Variants in ZNF385B observed in about 807,000 individuals in gnomAD.
ZNF385B encodes zinc finger protein 533.
A neutral mutation model predicts 39.2 loss-of-function variants in ZNF385B; 23 were observed. The observed-to-expected ratio is 0.59, with a 90% confidence interval of 0.42 to 0.83. ZNF385B has a LOEUF of 0.83. ZNF385B is among the 40% of genes least tolerant of loss of function. The pLI, the probability that ZNF385B is intolerant of heterozygous loss-of-function variation, is 0.00. For synonymous variants in ZNF385B, 205 were observed against 222.6 expected, an observed-to-expected ratio of 0.92 and a Z score of 0.70; for missense variants, 552 against 598.9, an observed-to-expected ratio of 0.92 and a Z score of 0.82.
chr2:179,801,143 C>A (rs1706005954), intron 1 of ZNF385B, among the ~76,000 whole-genome samples: 1 of 151,978 alleles, frequency 6.6e-6, no homozygotes. Context: ...CTCAAAATAT[C>A]CTCAGGAGGT....
chr2:179,789,465 T>C (rs773341544), intron 1 of ZNF385B, among the ~76,000 whole-genome samples: 2 of 152,204 alleles, frequency 1.3e-5, no homozygotes, highest in Non-Finnish European at 2.9e-5. Flanking sequence ...TTTCAATATA[T>C]AGGCAGCTGG....
intron 3 of ZNF385B, among the ~76,000 whole-genome samples, chr2:179,696,326 C>CTTTTTTTTTTGTTTTTTTTTTTTTTTTTT (rs1698747700): frequency 2.5e-5 from 1 of 40,354 alleles, no homozygotes; most frequent in African/African-American, 1.0e-4. Flanking sequence ...CAAACTGGGA[C>CTTTTTTTTTTGTTTTTTTTTTTTTTTTTT]TTTTTTTTTT....
chr2:179,737,363 A>G (rs537079254), intron 3 of ZNF385B, among the ~76,000 whole-genome samples: 3 of 152,344 alleles, frequency 2.0e-5, no homozygotes, highest in South Asian at 2.1e-4. Context: ...GTTAAAAGCA[A>G]TAAAGTTCCT....
At chr2:179,582,152 T>C (rs949008046) in intron 3 of ZNF385B, among the ~76,000 whole-genome samples, 1 of 152,174 alleles carries the variant, frequency 6.6e-6, no homozygotes, top group African/African-American at 2.4e-5. Context: ...ATCAAGTACT[T>C]TTCTCATTAG....
At chr2:179,474,766 C>A (rs1349080073) in intron 6 of ZNF385B, among the ~76,000 whole-genome samples, 1 of 151,974 alleles carries the variant, frequency 6.6e-6, no homozygotes, top group Non-Finnish European at 1.5e-5. Flanking sequence ...TCGCTGTCAT[C>A]TTTTGCAAAA....
At chr2:179,463,832 T>G (rs1200528710) in intron 6 of ZNF385B, among the ~76,000 whole-genome samples, 2 of 152,220 alleles carry the variant, frequency 1.3e-5, no homozygotes, top group Non-Finnish European at 2.9e-5. Flanking sequence ...CGTGTCTTTA[T>G]AGTAGAATGA....
intron 3 of ZNF385B, among the ~76,000 whole-genome samples, chr2:179,675,537 G>A (rs138706992): frequency 3.9e-5 from 6 of 152,226 alleles, no homozygotes; most frequent in African/African-American, 7.2e-5. Context: ...TTCCTACATC[G>A]TCAAATAAGA....
At chr2:179,717,743 C>T (rs1332746723) in intron 3 of ZNF385B, among the ~76,000 whole-genome samples, 1 of 152,116 alleles carries the variant, frequency 6.6e-6, no homozygotes, top group Non-Finnish European at 1.5e-5. Context: ...AATAAACAAA[C>T]AAAAACCTTC....
In ZNF385B at chr2:179,566,914, CTTTTT is replaced by C. The variant is rs372093398; in HGVS notation, c.299-21950_299-21946del. Among the ~76,000 whole-genome samples the C allele has an allele frequency of 7.6e-5, 10 of 131,626 alleles. No individual in the cohort carries two copies. The Admixed American group carries it at 7.6e-4, about 10-fold the overall frequency. The allele number at this position is 131,626 out of a possible 152,430, so 86.4% of individuals were successfully genotyped here. A position where few individuals can be genotyped will look rare whatever the true frequency, so the allele number is the denominator to read the frequency against. On this transcript the variant is annotated intron_variant, in intron 3 of 9. Coordinates refer to ENST00000410066, the MANE Select transcript of ZNF385B (RefSeq NM_152520.6). ...CTATATAATCTTTTTCTTTTCTTTT[CTTTTT>C]TTTTTTTTTTTTTGAGACGGGGTCT... is the stretch of plus-strand genomic sequence containing the variant.
At chr2:179,521,213 G>T (rs529163875) in intron 4 of ZNF385B, among the ~76,000 whole-genome samples, 1 of 151,790 alleles carries the variant, frequency 6.6e-6, no homozygotes, top group South Asian at 2.1e-4. Flanking sequence ...TTGAGGCAGA[G>T]TCTTGCTCCG....
intron 5 of ZNF385B, among the ~76,000 whole-genome samples, chr2:179,508,189 C>A (rs1212387167): frequency 6.6e-6 from 1 of 152,162 alleles, no homozygotes; most frequent in Non-Finnish European, 1.5e-5. Context: ...CAAGCTACAG[C>A]AAACCAAGTA....
chr2:179,807,756 G>A (rs925558891), intron 1 of ZNF385B, among the ~76,000 whole-genome samples: 5 of 151,792 alleles, frequency 3.3e-5, no homozygotes, highest in Non-Finnish European at 4.4e-5. Context: ...TTAGCTGGGC[G>A]TGGTGGCAGG....
At chr2:179,555,013 A>T (rs1367005358) in intron 3 of ZNF385B, among the ~76,000 whole-genome samples, 1 of 149,526 alleles carries the variant, frequency 6.7e-6, no homozygotes, top group African/African-American at 2.5e-5. Flanking sequence ...ACTAACAAAA[A>T]TGATTTGTGC....
At chr2:179,808,968 G>T (rs554232160) in intron 1 of ZNF385B, among the ~76,000 whole-genome samples, 194 of 152,324 alleles carry the variant, frequency 1.3e-3, no homozygotes, top group Non-Finnish European at 2.4e-3. Context: ...ATAGATAAAT[G>T]AAATATTCTT....
intron 6 of ZNF385B, among the ~76,000 whole-genome samples, chr2:179,455,467 G>A (rs529911546): frequency 2.6e-5 from 4 of 151,980 alleles, no homozygotes; most frequent in East Asian, 1.9e-4. Flanking sequence ...CCTTTTGCTC[G>A]GCACGTCTCC....
intron 3 of ZNF385B, among the ~76,000 whole-genome samples, chr2:179,720,814 G>A (rs2106405147): frequency 6.6e-6 from 1 of 151,966 alleles, no homozygotes; most frequent in East Asian, 1.9e-4. Flanking sequence ...AGGCTGGAAT[G>A]CAGTGATGTA....
At position 179,672,445 on chromosome 2, in the gene ZNF385B, C is replaced by T. The variant is rs887260769; in HGVS notation, c.298+97058G>A. Among the ~76,000 whole-genome samples the T allele has an allele frequency of 4.6e-5, 7 of 152,112 alleles. No individual in the cohort carries two copies. In the East Asian group the frequency reaches 5.8e-4, roughly 13 times the overall value. On this transcript the variant is annotated intron_variant, in intron 3 of 9. Coordinates refer to ENST00000410066, the MANE Select transcript of ZNF385B (RefSeq NM_152520.6). ...CAATGCTGAAACAAGTCAAGACTTTCGGTTCTCTTGGGATGGGATGAATGT... is the reference window on the plus strand; with the variant it reads ...CAATGCTGAAACAAGTCAAGACTTTTGGTTCTCTTGGGATGGGATGAATGT...
At chr2:179,594,482 T>G (rs1342421897) in intron 3 of ZNF385B, among the ~76,000 whole-genome samples, 1 of 152,220 alleles carries the variant, frequency 6.6e-6, no homozygotes, top group African/African-American at 2.4e-5. Flanking sequence ...ATTTCTACTC[T>G]TCTTTGTGAC....
chr2:179,826,637 G>C (rs1422818944), intron 1 of ZNF385B, among the ~76,000 whole-genome samples: 1 of 151,994 alleles, frequency 6.6e-6, no homozygotes, highest in Non-Finnish European at 1.5e-5. Context: ...GATCTAAATG[G>C]ACCTAAAATG....
Sources: gnomAD v4.1 joint callset for allele counts (sites outside exome capture counted in the v4.1 genomes callset) on GRCh38, gnomAD v4.1.1 for gene constraint, MANE v1.5 for transcripts, NCBI Gene and HGNC (gene_info 2026-07-23, HGNC 2026-07-21) for gene names.